RNF180: variants seen among roughly 807,000 people sequenced by gnomAD.
RNF180 encodes the protein E3 ubiquitin-protein ligase RNF180.
A neutral mutation model predicts 59.2 loss-of-function variants in RNF180; 38 were observed. That is an observed-to-expected ratio of 0.64 (90% CI 0.50 to 0.84). The LOEUF is 0.84. Among genes scored for constraint, RNF180 ranks in the 40% least tolerant of loss-of-function variants. RNF180 has a pLI of 0.00. For synonymous variants in RNF180, 262 were observed against 240.3 expected (o/e 1.09, Z -0.84); for missense variants, 705 against 700.9 (o/e 1.01, Z -0.07).
At chr5:64,270,840 G>A (rs1026010899) in intron 5 of RNF180, among the ~76,000 whole-genome samples, 1 of 151,954 alleles carries the variant, frequency 6.6e-6, no homozygotes, top group Admixed American at 6.6e-5. Context: ...TATCTGAAAG[G>A]AAATTCAAAT....
intron 2 of RNF180, among the ~76,000 whole-genome samples, chr5:64,204,055 T>C (rs971736284): frequency 6.6e-6 from 1 of 152,210 alleles, no homozygotes; most frequent in Non-Finnish European, 1.5e-5. Context: ...TTATGAACTT[T>C]CTGTAAATGA....
chr5:64,236,513 A>G (rs897206713), intron 5 of RNF180, among the ~76,000 whole-genome samples: 2 of 152,252 alleles, frequency 1.3e-5, no homozygotes, highest in African/African-American at 4.8e-5. Flanking sequence ...TTGCTGCCTG[A>G]CCATGTGGTA....
At chr5:64,352,056 A>G (rs914141608) in intron 7 of RNF180, among the ~76,000 whole-genome samples, 2 of 151,956 alleles carry the variant, frequency 1.3e-5, no homozygotes, top group Non-Finnish European at 2.9e-5. Flanking sequence ...TTGGTAGGCT[A>G]TTAATTATTG....
At chr5:64,353,652 A>C (rs1190673015) in intron 7 of RNF180, among the ~76,000 whole-genome samples, 1 of 151,832 alleles carries the variant, frequency 6.6e-6, no homozygotes, top group African/African-American at 2.4e-5. Flanking sequence ...CTAAGGAAAA[A>C]ATTGAAATAT....
At chr5:64,245,973 A>G (rs1316743123) in intron 5 of RNF180, among the ~76,000 whole-genome samples, 1 of 152,200 alleles carries the variant, frequency 6.6e-6, no homozygotes, top group Non-Finnish European at 1.5e-5. Context: ...AAAACCACAC[A>G]ACTACATGGC....
At chr5:64,283,357 G>C (rs776623736) in intron 5 of RNF180, among the ~76,000 whole-genome samples, 3 of 151,812 alleles carry the variant, frequency 2.0e-5, no homozygotes, top group Non-Finnish European at 4.4e-5. Context: ...CTTTAAGCTT[G>C]TGGGTGTTAC....
intron 7 of RNF180, among the ~76,000 whole-genome samples, chr5:64,364,921 C>T (rs1180668253): frequency 6.7e-6 from 1 of 150,320 alleles, no homozygotes; most frequent in East Asian, 2.0e-4. Context: ...GTAATATCCC[C>T]TTTGTTGTTT....
chr5:64,334,818 A>T (rs181544813), intron 7 of RNF180, among the ~76,000 whole-genome samples: 1 of 152,322 alleles, frequency 6.6e-6, no homozygotes, highest in East Asian at 1.9e-4. Context: ...TTGATGAACA[A>T]TTGAGTGGTC....
At chr5:64,265,122 A>G (rs1744581489) in intron 5 of RNF180, among the ~76,000 whole-genome samples, 1 of 152,142 alleles carries the variant, frequency 6.6e-6, no homozygotes, top group Admixed American at 6.6e-5. Context: ...AATTCTGGAT[A>G]TTAGCCCTCT....
chr5:64,235,846 A>G (rs1440572936), intron 5 of RNF180, among the ~76,000 whole-genome samples: 2 of 152,186 alleles, frequency 1.3e-5, no homozygotes, highest in Non-Finnish European at 2.9e-5. Context: ...GACATGCCTT[A>G]CTTCCCCTTT....
At chr5:64,172,419 GT>G (rs1324230600) in intron 1 of RNF180, among the ~76,000 whole-genome samples, 8 of 152,020 alleles carry the variant, frequency 5.3e-5, no homozygotes, top group Non-Finnish European at 1.2e-4. Context: ...TGAATTTTTA[GT>G]GAGTTCAATA....
In RNF180 at chr5:64,358,425, A is replaced by G. The variant is rs1433001723; in HGVS notation, c.1580-11190A>G. Among the ~76,000 whole-genome samples, 3 of 151,970 alleles carry G rather than the reference A, an allele frequency of 2.0e-5. No individual in the cohort carries two copies. The East Asian group carries it at 5.8e-4, about 30-fold the overall frequency. On this transcript the variant is annotated intron_variant, in intron 7 of 7. Transcript: ENST00000389100. ...TATTTCTGAAGAGCTTTAAGGGAACAGTTATGAAAGTTTTACTCCAATTTA... is the reference window on the plus strand; with the variant it reads ...TATTTCTGAAGAGCTTTAAGGGAACGGTTATGAAAGTTTTACTCCAATTTA...
intron 7 of RNF180, among the ~76,000 whole-genome samples, chr5:64,358,831 G>A (rs1372174217): frequency 7.4e-6 from 1 of 134,814 alleles, no homozygotes; most frequent in African/African-American, 2.8e-5. Context: ...TCCCCTTCCT[G>A]TGTCCATGTG....
intron 1 of RNF180, among the ~76,000 whole-genome samples, chr5:64,177,573 A>C (rs937331160): frequency 2.3e-4 from 31 of 134,236 alleles, no homozygotes; most frequent in South Asian, 4.8e-4. Flanking sequence ...ATATGTATTT[A>C]TTTCTTTCCT....
At chr5:64,344,200 T>C (rs1745465163) in intron 7 of RNF180, among the ~76,000 whole-genome samples, 2 of 152,062 alleles carry the variant, frequency 1.3e-5, no homozygotes, top group Admixed American at 1.3e-4. Context: ...ATGTTGTTTA[T>C]AAGAGATGGC....
At chr5:64,223,390 G>C (rs1388738941) in intron 5 of RNF180, among the ~76,000 whole-genome samples, 1 of 152,162 alleles carries the variant, frequency 6.6e-6, no homozygotes, top group Non-Finnish European at 1.5e-5. Context: ...TACATTCACA[G>C]GATCTTAGAT....
intron 5 of RNF180, among the ~76,000 whole-genome samples, chr5:64,324,081 T>TA (rs1746864804): frequency 6.6e-6 from 1 of 152,160 alleles, no homozygotes; most frequent in Admixed American, 6.5e-5. Flanking sequence ...TTGATATAAA[T>TA]AAAGAGTTCA....
At chr5:64,244,881 A>C (rs1580096706) in intron 5 of RNF180, among the ~76,000 whole-genome samples, 3 of 152,160 alleles carry the variant, frequency 2.0e-5, no homozygotes, top group African/African-American at 7.2e-5. Context: ...TGAGACTAAC[A>C]GTGGATTTCT....
rs1359152857 is a variant in RNF180 at position 64,320,670 on chromosome 5, A to G, written c.1228-4516A>G. On this transcript the variant is annotated intron_variant, in intron 5 of 7. Transcript: ENST00000389100. ...GCAAATATTGTCAGACTTTTGAGGA[A>G]TATCAATAATGTAAAAGAAGAAACA... Among the ~76,000 whole-genome samples, 4 of 152,184 alleles carry G rather than the reference A, an allele frequency of 2.6e-5. No individual in the cohort carries two copies. The East Asian group carries it at 7.7e-4, about 29-fold the overall frequency.
Sources: allele counts gnomAD v4.1 joint callset (sites outside exome capture counted in the v4.1 genomes callset), GRCh38; gene constraint gnomAD v4.1.1; transcripts MANE v1.5; gene names NCBI Gene and HGNC (gene_info 2026-07-23, HGNC 2026-07-21).